NTNG1: variants seen among roughly 807,000 people sequenced by gnomAD.
The protein encoded by NTNG1 is netrin G1.
Under a neutral mutation model 54.0 loss-of-function variants are expected in NTNG1, and 16 were observed. The ratio of observed to expected loss-of-function variants is 0.30; its 90% CI spans 0.20 to 0.45. The LOEUF is 0.45. Among genes scored for constraint, NTNG1 ranks in the 20% least tolerant of loss-of-function variants. NTNG1 has a pLI of 1.00. For synonymous variants in NTNG1, 255 were observed against 263.1 expected (o/e 0.97, Z 0.30); for missense variants, 530 against 678.7 (o/e 0.78, Z 2.43).
At chr1:107,170,375 T>C (rs1656131239) in intron 2 of NTNG1, among the ~76,000 whole-genome samples, 1 of 152,160 alleles carries the variant, frequency 6.6e-6, no homozygotes, top group Admixed American at 6.6e-5. Flanking sequence ...TAGCAAATTT[T>C]AGTACCCATC....
At chr1:107,228,818 T>C (rs1261074692) in intron 2 of NTNG1, among the ~76,000 whole-genome samples, 1 of 152,166 alleles carries the variant, frequency 6.6e-6, no homozygotes. Flanking sequence ...ATGGGGAGTC[T>C]CAGCTGGCAT....
chr1:107,243,227 T>G (rs1661962125), intron 2 of NTNG1, among the ~76,000 whole-genome samples: 1 of 152,162 alleles, frequency 6.6e-6, no homozygotes, highest in Non-Finnish European at 1.5e-5. Flanking sequence ...TGAATTGAAT[T>G]TGAACATTGC....
chr1:107,209,558 T>C (rs1056948211), intron 2 of NTNG1, among the ~76,000 whole-genome samples: 2 of 152,118 alleles, frequency 1.3e-5, no homozygotes, highest in Non-Finnish European at 2.9e-5. Context: ...CAGTAATCAG[T>C]CCCTGACATG....
chr1:107,300,109 G>A (rs1307291918), intron 2 of NTNG1, among the ~76,000 whole-genome samples: 1 of 152,112 alleles, frequency 6.6e-6, no homozygotes, highest in Non-Finnish European at 1.5e-5. Context: ...AATGCGGACC[G>A]AGGCATATTT....
intron 2 of NTNG1, among the ~76,000 whole-genome samples, chr1:107,175,136 A>G (rs1304479425): frequency 6.6e-6 from 1 of 152,174 alleles, no homozygotes; most frequent in Non-Finnish European, 1.5e-5. Flanking sequence ...TGGCTCTTCT[A>G]TGATGCTTCT....
intron 2 of NTNG1, among the ~76,000 whole-genome samples, chr1:107,188,708 A>G (rs569306358): frequency 3.3e-5 from 5 of 152,202 alleles, no homozygotes; most frequent in South Asian, 2.1e-4. Context: ...TTGGTAATCT[A>G]TCCATTGGTT....
intron 2 of NTNG1, among the ~76,000 whole-genome samples, chr1:107,302,727 A>G (rs4384260): frequency 0.99 from 150,316 of 152,258 alleles, 74,223 homozygotes; most frequent in Middle Eastern, 1. Context: ...CTTTTTTATG[A>G]CATCAACATA....
chr1:107,223,374 A>G (rs1023557060), intron 2 of NTNG1, among the ~76,000 whole-genome samples: 5 of 152,206 alleles, frequency 3.3e-5, no homozygotes, highest in Admixed American at 3.3e-4. Context: ...GGAGCGAGTG[A>G]GAAATGAAAG....
At chr1:107,462,115 T>A (rs1677317204) in intron 7 of NTNG1, among the ~76,000 whole-genome samples, 1 of 152,156 alleles carries the variant, frequency 6.6e-6, no homozygotes, top group Non-Finnish European at 1.5e-5. Context: ...AAATCTAAAT[T>A]TTCAGGTGGT....
intron 3 of NTNG1, among the ~76,000 whole-genome samples, chr1:107,354,523 A>C (rs1435701340): frequency 6.6e-6 from 1 of 151,878 alleles, no homozygotes; most frequent in Non-Finnish European, 1.5e-5. Context: ...TTATGATATT[A>C]ATTAAACCAT....
chr1:107,331,571 A>T (rs1668282673), intron 3 of NTNG1, among the ~76,000 whole-genome samples: 1 of 152,082 alleles, frequency 6.6e-6, no homozygotes, highest in South Asian at 2.1e-4. Context: ...CTCAATGTTA[A>T]TTTTTCTCCC....
chr1:107,312,899 C>T (rs72699367), intron 2 of NTNG1, among the ~76,000 whole-genome samples: 12,504 of 150,836 alleles, frequency 0.083, 557 homozygotes, highest in Middle Eastern at 0.15. Flanking sequence ...CTTTTTTTTT[C>T]CTGAGCCATT....
At chr1:107,303,114 A>C (rs1232071601) in intron 2 of NTNG1, among the ~76,000 whole-genome samples, 1 of 152,222 alleles carries the variant, frequency 6.6e-6, no homozygotes, top group African/African-American at 2.4e-5. Flanking sequence ...TTAATATCTA[A>C]GATTAGATCC....
intron 3 of NTNG1, among the ~76,000 whole-genome samples, chr1:107,338,869 C>A (rs1668744202): frequency 9.1e-6 from 1 of 110,166 alleles, no homozygotes; most frequent in Admixed American, 1.0e-4. Flanking sequence ...AAGTAAGAAG[C>A]TTTAAAAAAA....
intron 3 of NTNG1, among the ~76,000 whole-genome samples, chr1:107,325,769 G>A (rs1044564926): frequency 2.6e-5 from 4 of 152,148 alleles, no homozygotes; most frequent in African/African-American, 7.2e-5. Context: ...GAGATAATGA[G>A]TGGGAAAAGT....
intron 3 of NTNG1, among the ~76,000 whole-genome samples, chr1:107,361,391 A>ATATTTT (rs370815306): frequency 1.4e-3 from 119 of 87,962 alleles, no homozygotes; most frequent in Non-Finnish European, 2.0e-3. Context: ...ATATATATAT[A>ATATTTT]TTTTTTTTTT....
chr1:107,452,212 T>C (rs1485546472), intron 7 of NTNG1, among the ~76,000 whole-genome samples: 1 of 152,194 alleles, frequency 6.6e-6, no homozygotes, highest in Non-Finnish European at 1.5e-5. Flanking sequence ...TATAATCAAG[T>C]GGTGGTAGAT....
chr1:107,187,009 T>C (rs1249553284), intron 2 of NTNG1, among the ~76,000 whole-genome samples: 2 of 152,280 alleles, frequency 1.3e-5, no homozygotes, highest in South Asian at 4.1e-4. Context: ...ATACTGTGTA[T>C]GATGAAGCAC....
Position 107,227,053 on chromosome 1 carries a change from G to A in NTNG1, c.246+78214G>A, listed in dbSNP as rs952960689. ...TGAGTGCTTTACTCTATAAACCATA[G>A]TGGATCGGAGTAGGGGTGGAGAATC... On this transcript the variant is annotated intron_variant, in intron 2 of 7. Transcript: ENST00000370068. 3.3e-5 allele frequency among the ~76,000 whole-genome samples: 5 copies of A among 152,214 alleles called. No individual in the cohort carries two copies. In the Middle Eastern group the frequency reaches 0.014, roughly 414 times the overall value.
Sources: allele counts gnomAD v4.1 joint callset (sites outside exome capture counted in the v4.1 genomes callset), GRCh38; gene constraint gnomAD v4.1.1; transcripts MANE v1.5; gene names NCBI Gene and HGNC (gene_info 2026-07-23, HGNC 2026-07-21).